Variants in CATSPERB observed in about 807,000 individuals in gnomAD.
The protein encoded by CATSPERB is catsper channel auxiliary subunit beta.
In CATSPERB, 93 loss-of-function variants were observed where a neutral mutation model predicts 128.3. The observed-to-expected ratio is 0.72, with a 90% CI of 0.61 to 0.86. CATSPERB has a LOEUF of 0.86. Ranked by LOEUF, CATSPERB falls within the 40% of genes least tolerant of loss-of-function variation. The pLI, the probability that CATSPERB is intolerant of heterozygous loss-of-function variation, is 0.00. For missense variants in CATSPERB, 1,153 were observed against 1,329.5 expected (o/e 0.87, Z 2.06); for synonymous variants, 381 against 448.8 (o/e 0.85, Z 1.91).
chr14:91,638,988 G>A (rs2139805008), intron 16 of CATSPERB, 108 bp downstream of exon 16: 1 of 951,356 alleles, frequency 1.1e-6, no homozygotes, highest in South Asian at 1.7e-5. Flanking sequence ...CTGCATTAAT[G>A]AGTTTGTCCC....
In CATSPERB at chr14:91,721,101, GTAGAAGGTAAATTATCAACCTCC is replaced by G. The variant is rs1395023374; in HGVS notation, c.310-1646_310-1624del. Among the ~76,000 whole-genome samples, 4 of 152,234 alleles carry G rather than the reference GTAGAAGGTAAATTATCAACCTCC, an allele frequency of 2.6e-5. No individual in the cohort carries two copies. In the East Asian group the frequency reaches 7.7e-4, roughly 29 times the overall value. ...CTCAAAATGGATCCAAGATCTAAAT[GTAGAAGGTAAATTATCAACCTCC>G]TAGAAGAAAACATGTGGGATAAAAT... On this transcript the variant is annotated intron_variant, in intron 4 of 26. Coordinates refer to ENST00000256343, the MANE Select transcript of CATSPERB (RefSeq NM_024764.4).
intron 7 of CATSPERB, among the ~76,000 whole-genome samples, chr14:91,697,172 A>T (rs563124575): frequency 6.6e-6 from 1 of 152,204 alleles, no homozygotes; most frequent in Non-Finnish European, 1.5e-5. Context: ...TGAGACTAGC[A>T]TGCAATTTTT....
chr14:91,622,451 T>C (rs1044640003), intron 18 of CATSPERB, among the ~76,000 whole-genome samples: 1 of 151,914 alleles, frequency 6.6e-6, no homozygotes, highest in Admixed American at 6.6e-5. Flanking sequence ...ATTTAAGGAA[T>C]GGAAAGGGAA....
chr14:91,627,897 G>C (rs1214761996), intron 17 of CATSPERB, among the ~76,000 whole-genome samples: 1 of 152,182 alleles, frequency 6.6e-6, no homozygotes, highest in Non-Finnish European at 1.5e-5. Flanking sequence ...AGGATTGCTT[G>C]AGCCCAGGAG....
chr14:91,621,502 A>T (rs1894040733), intron 19 of CATSPERB, 106 bp downstream of exon 19: 2 of 887,558 alleles, frequency 2.3e-6, no homozygotes, highest in South Asian at 3.7e-5. Context: ...AATGCCAACA[A>T]GTATGGGAAC....
intron 20 of CATSPERB, among the ~76,000 whole-genome samples, chr14:91,611,075 A>G (rs1893815983): frequency 6.6e-6 from 1 of 152,202 alleles, no homozygotes; most frequent in Admixed American, 6.5e-5. Flanking sequence ...TCACCAAGCC[A>G]CCAAGTCAGT....
chr14:91,701,468 G>C (rs534107039), intron 7 of CATSPERB, among the ~76,000 whole-genome samples: 14 of 152,094 alleles, frequency 9.2e-5, no homozygotes, highest in Non-Finnish European at 2.1e-4. Context: ...TTAATGACAG[G>C]CCACAAATTC....
intron 11 of CATSPERB, among the ~76,000 whole-genome samples, chr14:91,679,056 A>G (rs1895237946): frequency 6.6e-6 from 1 of 152,182 alleles, no homozygotes; most frequent in African/African-American, 2.4e-5. Flanking sequence ...GTTACGTGTA[A>G]ATGGGGTAAA....
chr14:91,587,093 T>A (rs1893316000), intron 26 of CATSPERB, 109 bp downstream of exon 26: 2 of 773,184 alleles, frequency 2.6e-6, no homozygotes, highest in South Asian at 3.8e-5. Context: ...TTAAGCCTTG[T>A]CCATCACACA....
intron 3 of CATSPERB, 90 bp downstream of exon 3, chr14:91,724,990 G>A: frequency 2.0e-6 from 1 of 510,660 alleles, no homozygotes; most frequent in Non-Finnish European, 3.3e-6. Context: ...ATAGTAGAGG[G>A]TATTTGGAAA....
chr14:91,586,547 G>A (rs1893300492), intron 26 of CATSPERB, among the ~76,000 whole-genome samples: 1 of 98,390 alleles, frequency 1.0e-5, no homozygotes, highest in African/African-American at 4.3e-5. Context: ...GCCGGAACAG[G>A]AGAGAGAGAG....
chr14:91,671,872 A>G (rs1271415199), intron 13 of CATSPERB, among the ~76,000 whole-genome samples: 1 of 151,812 alleles, frequency 6.6e-6, no homozygotes, highest in Non-Finnish European at 1.5e-5. Context: ...ACAAAAAATT[A>G]GCCAGGCATG....
At chr14:91,669,133 G>C (rs1375640785) in intron 14 of CATSPERB, among the ~76,000 whole-genome samples, 1 of 152,182 alleles carries the variant, frequency 6.6e-6, no homozygotes, top group East Asian at 1.9e-4. Context: ...ATATGGAAGA[G>C]AGTTTTAAGA....
At position 91,669,855 on chromosome 14, in the gene CATSPERB, A is replaced by C; in HGVS notation, c.1246T>G (p.Phe416Val). 1 of 1,613,670 alleles carries C rather than the reference A, an allele frequency of 6.2e-7. No individual in the cohort carries two copies. Among genetic ancestry groups the C allele is most frequent in the Non-Finnish European group, 8.5e-7 (1 of 1,179,882 alleles). The change falls in exon 14 of 27, where the codon TTT becomes GTT. Residue 416 changes from phenylalanine to valine, a missense_variant. Physicochemically the swap from Phe to Val is conservative, Grantham distance 50. Transcript: ENST00000256343. ...SSFSSPVGMVFHPRSHFLYAY... is the reference protein window; with the variant it reads ...SSFSSPVGMVVHPRSHFLYAY... ...TACAAAAAGTGGCTTCGGGGATGAAATACCATTCCAACGGGAGAAGAGAAT... is the reference window on the plus strand; with the variant it reads ...TACAAAAAGTGGCTTCGGGGATGAACTACCATTCCAACGGGAGAAGAGAAT...
intron 17 of CATSPERB, among the ~76,000 whole-genome samples, chr14:91,629,302 T>C (rs559212055): frequency 1.3e-5 from 2 of 152,318 alleles, no homozygotes; most frequent in African/African-American, 2.4e-5. Context: ...TCAAACTATA[T>C]GACATTCTGG....
intron 23 of CATSPERB, among the ~76,000 whole-genome samples, chr14:91,590,167 TA>T (rs372481969): frequency 4.5e-4 from 68 of 152,266 alleles, no homozygotes; most frequent in Middle Eastern, 3.4e-3. Context: ...TAGCATTTAG[TA>T]GATAGTAAGT....
chr14:91,627,030 T>C (rs1894176593), intron 17 of CATSPERB, among the ~76,000 whole-genome samples: 2 of 152,200 alleles, frequency 1.3e-5, no homozygotes, highest in Admixed American at 1.3e-4. Context: ...TAACAAACAT[T>C]TGATTAACAT....
At chr14:91,699,179 T>C (rs1895607553) in intron 7 of CATSPERB, among the ~76,000 whole-genome samples, 1 of 152,210 alleles carries the variant, frequency 6.6e-6, no homozygotes, top group Non-Finnish European at 1.5e-5. Flanking sequence ...TGTGCAAGTG[T>C]CTTTTTCATA....
In CATSPERB at chr14:91,617,577, G is replaced by A. The variant is rs1343800649; in HGVS notation, c.2400+20C>T. 1.3e-6 allele frequency: 2 copies of A among 1,556,152 alleles called. No individual in the cohort carries two copies. The highest frequency in any genetic ancestry group is 1.2e-5 in the South Asian group (1 of 81,412). On this transcript the variant is annotated intron_variant, in intron 20 of 26. Coordinates refer to ENST00000256343, the MANE Select transcript of CATSPERB (RefSeq NM_024764.4). ...TTTTTTCATCAGTAAGAAATGTTTT[G>A]TAAATGAAGAAAATCCTACCTGATG...
Sources: allele counts gnomAD v4.1 joint callset (sites outside exome capture counted in the v4.1 genomes callset), GRCh38; gene constraint gnomAD v4.1.1; transcripts MANE v1.5; gene names NCBI Gene and HGNC (gene_info 2026-07-23, HGNC 2026-07-21).